The following PLCB1 variants were observed in gnomAD, a reference collection of about 807,000 sequenced individuals.
PLCB1 encodes the protein phospholipase C beta 1, also known as 1-phosphatidylinositol 4,5-bisphosphate phosphodiesterase beta-1.
Under a neutral mutation model 161.8 loss-of-function variants are expected in PLCB1, and 46 were observed. The observed-to-expected ratio is 0.28, with a 90% CI of 0.22 to 0.36. The LOEUF (loss-of-function observed/expected upper bound fraction) is 0.36, where lower values mean the gene tolerates loss of function less well. PLCB1 is among the 10% of genes least tolerant of loss of function. The pLI is 1.00. For synonymous variants in PLCB1, 517 were observed against 503.7 expected, an observed-to-expected ratio of 1.03 and a Z score of -0.35; for missense variants, 1,016 against 1,472.5, an observed-to-expected ratio of 0.69 and a Z score of 5.07.
At chr20:8,259,600 G>C (rs1232794623) in intron 2 of PLCB1, among the ~76,000 whole-genome samples, 1 of 151,996 alleles carries the variant, frequency 6.6e-6, no homozygotes, top group East Asian at 1.9e-4. Flanking sequence ...TGGGTAACAG[G>C]ATGAGACCCT....
At chr20:8,265,572 G>A (rs1981914822) in intron 2 of PLCB1, among the ~76,000 whole-genome samples, 1 of 152,150 alleles carries the variant, frequency 6.6e-6, no homozygotes, top group Non-Finnish European at 1.5e-5. Flanking sequence ...ACTATTATGG[G>A]TAGCTAACTG....
At chr20:8,535,815 A>C (rs964069650) in intron 3 of PLCB1, among the ~76,000 whole-genome samples, 1 of 152,166 alleles carries the variant, frequency 6.6e-6, no homozygotes, top group Non-Finnish European at 1.5e-5. Context: ...TCATATATAC[A>C]TTATTATGGT....
chr20:8,628,998 A>T (rs1988445763), intron 4 of PLCB1, among the ~76,000 whole-genome samples: 1 of 152,174 alleles, frequency 6.6e-6, no homozygotes, highest in South Asian at 2.1e-4. Flanking sequence ...ATAACAAAAT[A>T]CAAATAAAAC....
chr20:8,847,681 C>T (rs541396947), intron 31 of PLCB1, among the ~76,000 whole-genome samples: 1 of 152,340 alleles, frequency 6.6e-6, no homozygotes, highest in South Asian at 2.1e-4. Flanking sequence ...ATACTTCTGA[C>T]CAACCAGCTG....
chr20:8,819,298 CTAT>C (rs1328421037), intron 31 of PLCB1, among the ~76,000 whole-genome samples: 4 of 152,246 alleles, frequency 2.6e-5, no homozygotes, highest in Admixed American at 2.6e-4. Context: ...ATTGAAAGAA[CTAT>C]TATTATTGAT....
At chr20:8,857,189 G>A (rs1194736206) in intron 31 of PLCB1, among the ~76,000 whole-genome samples, 1 of 152,136 alleles carries the variant, frequency 6.6e-6, no homozygotes, top group Non-Finnish European at 1.5e-5. Flanking sequence ...GGCACATGTG[G>A]CCCTTTGAGA....
chr20:8,398,149 A>G (rs958154927), intron 3 of PLCB1, among the ~76,000 whole-genome samples: 1 of 152,132 alleles, frequency 6.6e-6, no homozygotes, highest in Admixed American at 6.6e-5. Context: ...ATACATTTTA[A>G]CTTACCTTTT....
At chr20:8,360,433 A>AT (rs952440776) in intron 2 of PLCB1, among the ~76,000 whole-genome samples, 16 of 151,920 alleles carry the variant, frequency 1.1e-4, no homozygotes, top group African/African-American at 2.9e-4. Flanking sequence ...CTCTACATTG[A>AT]TTTTTTTTCA....
intron 2 of PLCB1, among the ~76,000 whole-genome samples, chr20:8,198,621 A>G (rs1004290877): frequency 6.6e-6 from 1 of 151,998 alleles, no homozygotes; most frequent in East Asian, 1.9e-4. Flanking sequence ...CCATCAAGGG[A>G]AATGTGCTGA....
intron 31 of PLCB1, among the ~76,000 whole-genome samples, chr20:8,821,511 A>G (rs1293190199): frequency 2.2e-4 from 3 of 13,406 alleles, no homozygotes; most frequent in Admixed American, 9.4e-4. Context: ...GTATATATAT[A>G]TATATATATA....
Position 8,173,542 on chromosome 20 carries a change from A to G in PLCB1, c.177+23171A>G, listed in dbSNP as rs540693082. Among the ~76,000 whole-genome samples, 7 of 152,256 alleles carry G rather than the reference A, an allele frequency of 4.6e-5. No homozygotes were observed. In the South Asian group the frequency reaches 1.5e-3, roughly 32 times the overall value. On this transcript the variant is annotated intron_variant, in intron 2 of 31. Transcript: ENST00000338037. ...GGGTGACTACCTGCTAAAAGGAAAG[A>G]TTTGAATAGAATTTAGTCTTCTAAT...
chr20:8,451,440 T>A (rs966081949), intron 3 of PLCB1, among the ~76,000 whole-genome samples: 1 of 152,166 alleles, frequency 6.6e-6, no homozygotes, highest in Non-Finnish European at 1.5e-5. Context: ...CTCTGCCTCC[T>A]GGGTTCAAGC....
At position 8,600,973 on chromosome 20, in the gene PLCB1, C is replaced by T. The variant is rs567055141; in HGVS notation, c.247-27321C>T. On this transcript the variant is annotated intron_variant, in intron 3 of 31. Transcript: ENST00000338037. ...CCTGCTTCAGCTCGCGCACGGTGCGCGCACCCACTGACCTGCGCCCACTGT... is the reference window on the plus strand; with the variant it reads ...CCTGCTTCAGCTCGCGCACGGTGCGTGCACCCACTGACCTGCGCCCACTGT... Among the ~76,000 whole-genome samples, 40 of 152,172 alleles carry T rather than the reference C, an allele frequency of 2.6e-4. 1 individual carries two copies. The South Asian group carries it at 3.9e-3, about 15-fold the overall frequency.
intron 2 of PLCB1, among the ~76,000 whole-genome samples, chr20:8,262,783 A>G (rs1981769481): frequency 6.6e-6 from 1 of 152,258 alleles, no homozygotes; most frequent in South Asian, 2.1e-4. Flanking sequence ...CCTGGTGAGG[A>G]CCTGCTTTCT....
chr20:8,600,497 C>A (rs1409159590), intron 3 of PLCB1, among the ~76,000 whole-genome samples: 1 of 150,318 alleles, frequency 6.7e-6, no homozygotes, highest in Admixed American at 6.6e-5. Context: ...CCACTGCTCT[C>A]TTCAAAGCTC....
At chr20:8,332,155 CT>C (rs1272951400) in intron 2 of PLCB1, among the ~76,000 whole-genome samples, 1 of 152,200 alleles carries the variant, frequency 6.6e-6, no homozygotes. Flanking sequence ...TTGTGCTGCC[CT>C]TGGTATTTAA....
At chr20:8,164,052 C>T (rs1226927350) in intron 2 of PLCB1, among the ~76,000 whole-genome samples, 1 of 152,162 alleles carries the variant, frequency 6.6e-6, no homozygotes, top group African/African-American at 2.4e-5. Flanking sequence ...GCTCCAATCC[C>T]AATTCTTCTC....
chr20:8,520,422 C>G (rs939436248), intron 3 of PLCB1, among the ~76,000 whole-genome samples: 4 of 152,078 alleles, frequency 2.6e-5, no homozygotes, highest in Non-Finnish European at 4.4e-5. Flanking sequence ...GCCAGTTAAC[C>G]ATGGCCAACT....
intron 3 of PLCB1, among the ~76,000 whole-genome samples, chr20:8,414,699 C>A (rs1568666959): frequency 6.6e-6 from 1 of 152,084 alleles, no homozygotes; most frequent in Non-Finnish European, 1.5e-5. Flanking sequence ...TCTGTGTTGT[C>A]TGTATAGTAG....
Sources: gnomAD v4.1 joint callset for allele counts (sites outside exome capture counted in the v4.1 genomes callset) on GRCh38, gnomAD v4.1.1 for gene constraint, MANE v1.5 for transcripts, NCBI Gene and HGNC (gene_info 2026-07-23, HGNC 2026-07-21) for gene names.